The following TTC17 variants were observed in gnomAD, a reference collection of about 807,000 sequenced individuals.
TTC17 encodes tetratricopeptide repeat domain 17, also known as tetratricopeptide repeat protein 17.
A neutral mutation model predicts 143.8 loss-of-function variants in TTC17; 58 were observed. The ratio of observed to expected loss-of-function variants is 0.40; its 90% CI spans 0.33 to 0.50. The LOEUF (loss-of-function observed/expected upper bound fraction) is 0.50, where lower values mean the gene tolerates loss of function less well. Among genes scored for constraint, TTC17 ranks in the 20% least tolerant of loss-of-function variants. TTC17 has a pLI of 0.49. For missense variants in TTC17, 1,273 were observed against 1,392.5 expected, an observed-to-expected ratio of 0.91 and a Z score of 1.37; for synonymous variants, 501 against 497.8, an observed-to-expected ratio of 1.01 and a Z score of -0.09.
At chr11:43,483,880 G>C (rs188638772) in intron 21 of TTC17, among the ~76,000 whole-genome samples, 1 of 152,132 alleles carries the variant, frequency 6.6e-6, no homozygotes, top group African/African-American at 2.4e-5. Flanking sequence ...AGTGGCTCAC[G>C]CCTGTAATCC....
intron 20 of TTC17, among the ~76,000 whole-genome samples, chr11:43,450,978 T>G (rs1293946925): frequency 6.6e-6 from 1 of 152,208 alleles, no homozygotes; most frequent in East Asian, 1.9e-4. Flanking sequence ...CATTCTGTAA[T>G]TTTTGTTAAA....
chr11:43,489,076 T>C (rs1948427525), intron 21 of TTC17, among the ~76,000 whole-genome samples: 1 of 152,126 alleles, frequency 6.6e-6, no homozygotes, highest in African/African-American at 2.4e-5. Flanking sequence ...CCAAATTCTG[T>C]AGCAATCAAA....
intron 2 of TTC17, among the ~76,000 whole-genome samples, chr11:43,388,031 A>G (rs1857231642): frequency 6.6e-6 from 1 of 152,234 alleles, no homozygotes; most frequent in Admixed American, 6.5e-5. Context: ...AAGCAGATTG[A>G]CACGTCTATA....
intron 16 of TTC17, among the ~76,000 whole-genome samples, chr11:43,437,898 A>G (rs71490025): frequency 0.056 from 8,524 of 152,306 alleles, 307 homozygotes; most frequent in East Asian, 0.086. Context: ...TGACCCAGCT[A>G]AAAAAAGGAA....
intron 1 of TTC17, among the ~76,000 whole-genome samples, chr11:43,366,728 C>T (rs1194522484): frequency 3.3e-5 from 5 of 152,074 alleles, no homozygotes; most frequent in Non-Finnish European, 4.4e-5. Flanking sequence ...GACAGATTCT[C>T]GAACATATCT....
chr11:43,480,371 A>G (rs548842334), intron 21 of TTC17, among the ~76,000 whole-genome samples: 9 of 152,316 alleles, frequency 5.9e-5, no homozygotes, highest in East Asian at 1.9e-4. Flanking sequence ...AATAGCCACT[A>G]TTAAGGCCAG....
intron 16 of TTC17, among the ~76,000 whole-genome samples, chr11:43,425,973 C>A (rs1389760152): frequency 6.6e-6 from 1 of 152,124 alleles, no homozygotes; most frequent in African/African-American, 2.4e-5. Context: ...TTGTTAATAA[C>A]CCAGTCAGGT....
chr11:43,411,660 C>T (rs1462950097), intron 15 of TTC17, among the ~76,000 whole-genome samples: 3 of 152,128 alleles, frequency 2.0e-5, no homozygotes, highest in Admixed American at 6.6e-5. Context: ...AAATGCTAAC[C>T]AGTTTATCTC....
intron 1 of TTC17, among the ~76,000 whole-genome samples, chr11:43,366,045 A>G (rs1009577198): frequency 7.3e-5 from 11 of 151,592 alleles, no homozygotes; most frequent in East Asian, 5.9e-4. Context: ...CAGTGGCGCA[A>G]TCTCGGCTCA....
rs185491307 is a variant in TTC17 at position 43,369,604 on chromosome 11, A to G, written c.160-9629A>G. Among the ~76,000 whole-genome samples, 36 of 151,304 alleles carry G rather than the reference A, an allele frequency of 2.4e-4. No homozygotes were observed. The East Asian group carries it at 3.3e-3, about 14-fold the overall frequency. Reference sequence around the variant, plus strand: ...TGACTTGATATCCTGTAAGATTAAAATTTGTTTCTGATTTCTTTTTTTTTT... The same window carrying G: ...TGACTTGATATCCTGTAAGATTAAAGTTTGTTTCTGATTTCTTTTTTTTTT... On this transcript the variant is annotated intron_variant, in intron 1 of 23. Coordinates refer to ENST00000039989, the MANE Select transcript of TTC17 (RefSeq NM_018259.6).
chr11:43,401,758 C>T, intron 10 of TTC17, 200 bp downstream of exon 10: 1 of 461,394 alleles, frequency 2.2e-6, no homozygotes. Flanking sequence ...GCAGAAGGAT[C>T]ACGAGCCCAG....
At chr11:43,370,075 A>G (rs1856503124) in intron 1 of TTC17, 1 of 455,710 alleles carries the variant, frequency 2.2e-6, no homozygotes, top group Non-Finnish European at 4.4e-6. Flanking sequence ...ATTTGTTTTG[A>G]CAGTTATAGC....
chr11:43,489,619 T>TCC (rs1196284542), intron 21 of TTC17, among the ~76,000 whole-genome samples: 2 of 151,734 alleles, frequency 1.3e-5, no homozygotes, highest in African/African-American at 2.4e-5. Context: ...ACTCCTCTAA[T>TCC]CCCAGCTACT....
chr11:43,359,241 G>A (rs1855992037), intron 1 of TTC17, 128 bp downstream of exon 1: 2 of 1,210,206 alleles, frequency 1.7e-6, no homozygotes, highest in Non-Finnish European at 2.2e-6. Context: ...AGGTGGCACC[G>A]CGACCTCGGA....
intron 21 of TTC17, among the ~76,000 whole-genome samples, chr11:43,478,209 A>T (rs1398669710): frequency 6.6e-6 from 1 of 152,234 alleles, no homozygotes; most frequent in South Asian, 2.1e-4. Flanking sequence ...TAAAGAAAAA[A>T]CTAATGAAGA....
rs933346300 is a variant in TTC17 at position 43,407,717 on chromosome 11, A to G, written c.2064+140A>G. The G allele has an allele frequency of 7.9e-6, 6 of 761,574 alleles. No individual in the cohort carries two copies. The Admixed American group carries it at 1.7e-4, about 21-fold the overall frequency. 47.2% of individuals were successfully genotyped at this position (761,574 alleles called of 1,614,324 possible). On this transcript the variant is annotated intron_variant, in intron 15 of 23. Transcript: ENST00000039989. ...AGTAGCGTTTGCATTATTTCAAGAG[A>G]GTGTGAAAAAGCTTTTGTTGTATTT...
Position 43,359,000 on chromosome 11 carries a change from T to TGCTCCGGCCCAGGCTG in TTC17, c.52_67dup (p.Leu23ArgfsTer48), listed in dbSNP as rs1255524152. ...TCGTGGCCGGTACGAGCTGCCGCCTTGCTCCGGCCCAGGCTGGCTCCTCAG... is the reference window on the plus strand; with the variant it reads ...TCGTGGCCGGTACGAGCTGCCGCCTTGCTCCGGCCCAGGCTGGCTCCGGCCCAGGCTGGCTCCTCAG... On this transcript the variant is annotated frameshift_variant, in exon 1 of 24. Transcript: ENST00000039989. LOFTEE classifies it high-confidence loss of function. 6.3e-7 allele frequency: 1 copy of TGCTCCGGCCCAGGCTG among 1,585,974 alleles called. No individual in the cohort carries two copies. Among genetic ancestry groups the TGCTCCGGCCCAGGCTG allele is most frequent in the Non-Finnish European group, 8.6e-7 (1 of 1,166,756 alleles).
intron 3 of TTC17, 63 bp downstream of exon 3, chr11:43,389,884 TAAG>T: frequency 7.0e-7 from 1 of 1,434,608 alleles, no homozygotes. Flanking sequence ...CTCAAATTAG[TAAG>T]AAATTATTTC....
intron 16 of TTC17, among the ~76,000 whole-genome samples, chr11:43,439,955 T>C (rs931411757): frequency 6.6e-6 from 1 of 152,226 alleles, no homozygotes; most frequent in African/African-American, 2.4e-5. Flanking sequence ...TATTTATTCT[T>C]CTTCCCAGTG....
Sources: allele counts gnomAD v4.1 joint callset (sites outside exome capture counted in the v4.1 genomes callset), GRCh38; gene constraint gnomAD v4.1.1; transcripts MANE v1.5; gene names NCBI Gene and HGNC (gene_info 2026-07-23, HGNC 2026-07-21).